Variants in MAP3K6 observed in about 807,000 individuals in gnomAD.
The protein encoded by MAP3K6 is apoptosis signal-regulating kinase 2.
Under a neutral mutation model 147.1 loss-of-function variants are expected in MAP3K6, and 105 were observed. The ratio of observed to expected loss-of-function variants is 0.71; its 90% CI spans 0.61 to 0.84. MAP3K6 has a LOEUF of 0.84. Among genes scored for constraint, MAP3K6 ranks in the 40% least tolerant of loss-of-function variants. The pLI, the probability that MAP3K6 is intolerant of heterozygous loss-of-function variation, is 0.00. For synonymous variants in MAP3K6, 695 were observed against 732.4 expected (o/e 0.95, Z 0.82); for missense variants, 1,569 against 1,715.0 (o/e 0.91, Z 1.50).
rs139373022 is a variant in MAP3K6, at chr1:27,362,985, A to C, written c.1008T>G (p.Ser336=). Residue 336 remains serine, a synonymous_variant, in exon 7 of 29, where the codon TCT becomes TCG. Coordinates refer to ENST00000357582, the MANE Select transcript of MAP3K6 (RefSeq NM_004672.5). ...CAAGCTGTACCAGCGGCAGCAGCAC[A>C]GACAGGGCCTTCGCCCGGTCCCCAG... ...NRPGDRAKAL[S]VLLPLVQLEG... is the part of the protein sequence containing the mutation. The C allele has an allele frequency of 4.9e-3, 7,959 of 1,614,024 alleles. 54 individuals are homozygous for C. Among genetic ancestry groups the C allele is most frequent in the Middle Eastern group, 0.022 (133 of 6,058 alleles).
At position 27,357,407 on chromosome 1, in the gene MAP3K6, G is replaced by A. The variant is rs767809289; in HGVS notation, c.3251C>T (p.Pro1084Leu). 1.3e-6 allele frequency: 2 copies of A among 1,589,892 alleles called. No individual in the cohort carries two copies. Among genetic ancestry groups the A allele is most frequent in the Non-Finnish European group, 1.7e-6 (2 of 1,164,086 alleles). Reference protein sequence around the residue: ...ALLHRPLFAFPDAVKQILRKR... With the variant: ...ALLHRPLFAFLDAVKQILRKR... ...ACCAGAAGGCGCCCTCACCGCATCCGGGAAGGCAAACAGCGGTCTGTGCAG... is the reference window on the plus strand; with the variant it reads ...ACCAGAAGGCGCCCTCACCGCATCCAGGAAGGCAAACAGCGGTCTGTGCAG... Residue 1084 changes from proline (P) to leucine (L), a missense_variant, in exon 23 of 29, where the codon CCG (proline) becomes CTG (leucine). Coordinates refer to ENST00000357582, the MANE Select transcript of MAP3K6 (RefSeq NM_004672.5).
In MAP3K6 at chr1:27,357,742, T is replaced by C. The variant is rs1388069951; in HGVS notation, c.3050A>G (p.Glu1017Gly). 1.2e-6 allele frequency: 2 copies of C among 1,611,942 alleles called. No homozygotes were observed. The highest frequency in any genetic ancestry group is 1.7e-6 in the Non-Finnish European group (2 of 1,179,868). ...VLEQELPALA[E>G]NLHQEQKQEQ... ...TTGCTTCTGCTCCTGGTGCAGATTC[T>C]CCGCCAGCGCTGGCAGCTCCTGCTC... Residue 1017 changes from glutamate to glycine, a missense_variant, in exon 22 of 29, where the codon GAG (glutamate) becomes GGG (glycine). Physicochemically the swap from Glu to Gly is moderately conservative, Grantham distance 98 (BLOSUM62 -2). Transcript: ENST00000357582.
At chr1:27,356,835 GC>G in intron 24 of MAP3K6, 86 bp from the exon 25 acceptor site, 1 of 1,489,246 alleles carries the variant, frequency 6.7e-7, no homozygotes, top group Non-Finnish European at 9.0e-7. Flanking sequence ...AGGGTGCCCG[GC>G]TCTGGGCAGG....
intron 6 of MAP3K6, 54 bp from the exon 7 acceptor site, chr1:27,363,075 A>C: frequency 6.6e-7 from 1 of 1,520,746 alleles, no homozygotes; most frequent in Non-Finnish European, 8.9e-7. Flanking sequence ...TACTCTGTCC[A>C]GGGACCTCTA....
intron 1 of MAP3K6, 133 bp from the exon 2 acceptor site, chr1:27,365,045 G>T: frequency 1.1e-6 from 1 of 939,872 alleles, no homozygotes; most frequent in Non-Finnish European, 1.6e-6. Flanking sequence ...GCTTCAGTCG[G>T]CCCTTTTTAG....
Position 27,357,554 on chromosome 1 carries a change from T to A in MAP3K6, c.3104A>T (p.His1035Leu). Residue 1035 changes from histidine (H) to leucine (L), a missense_variant, in exon 23 of 29, where the codon CAT becomes CTT. Transcript: ENST00000357582. The stretch of plus-strand genomic sequence containing the variant: ...GAGGCAGCGCAGCAGCTCTTCCACA[T>A]GGTTTCTGCCCAGACGGGCCCCCTG... ...QEQGARLGRN[H>L]VEELLRCLGA... 3 of 1,612,092 alleles carry A rather than the reference T, an allele frequency of 1.9e-6. No individual in the cohort carries two copies. In the South Asian group the frequency reaches 3.3e-5, roughly 18 times the overall value.
chr1:27,362,967 T>C lies in MAP3K6; in HGVS notation c.1026A>G (p.Val342=). The change falls in exon 7 of 29, where the codon GTA becomes GTG. Residue 342 remains valine (V), a synonymous_variant. Transcript: ENST00000357582. ...AKALSVLLPL[V]QLEGSVAPDL... ...CGGGCGCCACAGAGCCCTCAAGCTG[T>C]ACCAGCGGCAGCAGCACAGACAGGG... 6.2e-7 allele frequency: 1 copy of C among 1,614,042 alleles called. No homozygotes were observed.
In MAP3K6 at chr1:27,362,181, C is replaced by A. The variant is rs920626034; in HGVS notation, c.1325G>T (p.Gly442Val). 12 of 1,613,648 alleles carry A rather than the reference C, an allele frequency of 7.4e-6. No individual in the cohort carries two copies. Among genetic ancestry groups the A allele is most frequent in the Non-Finnish European group, 1.0e-5 (12 of 1,179,988 alleles). The change falls in exon 9 of 29, where the codon GGT becomes GTT. Residue 442 changes from glycine to valine, a missense_variant. Gly to Val is a moderately radical substitution (Grantham distance 109). Coordinates refer to ENST00000357582, the MANE Select transcript of MAP3K6 (RefSeq NM_004672.5). ...GAGGATCTGGGCTCCCAGGTAGAAA[C>A]CCACATCCCAGTAATACTGCATCTT... ...VEKMQYYWDV[G>V]FYLGAQILAN...
chr1:27,357,744 C>T lies in MAP3K6; in HGVS notation c.3048G>A (p.Ala1016=). 1.9e-6 allele frequency: 3 copies of T among 1,611,840 alleles called. No homozygotes were observed. Among genetic ancestry groups the T allele is most frequent in the Admixed American group, 1.7e-5 (1 of 59,958 alleles). The change falls in exon 22 of 29, where the codon GCG becomes GCA. Residue 1016 remains alanine (A), a synonymous_variant. Transcript: ENST00000357582. ...GCTTCTGCTCCTGGTGCAGATTCTC[C>T]GCCAGCGCTGGCAGCTCCTGCTCCA... ...AVLEQELPAL[A]ENLHQEQKQE...
Position 27,357,011 on chromosome 1 carries a change from G to GGGTGT in MAP3K6, c.3361_3362insACACC (p.Pro1121HisfsTer17). On this transcript the variant is annotated frameshift_variant, in exon 24 of 29. Coordinates refer to ENST00000357582, the MANE Select transcript of MAP3K6 (RefSeq NM_004672.5). LOFTEE classifies it high-confidence loss of function. ...GGCCCGTGGCATTCCCCTCCTACCC[G>GGGTGT]GTCCTAGCACACCCAGGGCTGCCCG... 1 of 1,613,560 alleles carries GGGTGT rather than the reference G, an allele frequency of 6.2e-7. No homozygotes were observed. The highest frequency in any genetic ancestry group is 8.5e-7 in the Non-Finnish European group (1 of 1,179,756).
In MAP3K6 at chr1:27,362,247, A is replaced by G; in HGVS notation, c.1259T>C (p.Met420Thr). The change falls in exon 9 of 29, where the codon ATG becomes ACG. Residue 420 changes from methionine to threonine, a missense_variant. Transcript: ENST00000357582. ...GCGGGCCAGCAGGCAGCCCAGCTTC[A>G]TGCCTGGGGGAGAGAGGCATGGGCT... ...EDSKELRLIG[M>T]KLGCLLARKG... The G allele has an allele frequency of 6.2e-7, 1 of 1,609,778 alleles. No individual in the cohort carries two copies. The highest frequency in any genetic ancestry group is 1.1e-5 in the South Asian group (1 of 90,550).
At chr1:27,356,310 G>GTGATGAGCCCAAGTCAGT (rs1469732536) in intron 26 of MAP3K6, 78 bp downstream of exon 26, 1 of 1,370,460 alleles carries the variant, frequency 7.3e-7, no homozygotes, top group East Asian at 2.4e-5. Flanking sequence ...CCCAAGTCAG[G>GTGATGAGCCCAAGTCAGT]TGATGAGCCC....
At chr1:27,363,842 C>A in intron 5 of MAP3K6, 75 bp downstream of exon 5, 1 of 1,410,732 alleles carries the variant, frequency 7.1e-7, no homozygotes, top group Non-Finnish European at 9.4e-7. Context: ...AGCAAGTGGC[C>A]CAGCCAGGAA....
At position 27,356,073 on chromosome 1, in the gene MAP3K6, C is replaced by G; in HGVS notation, c.3664G>C (p.Val1222Leu). ...PTALSTDQGL[V>L]QWLQELNVDS... is the part of the protein sequence containing the mutation. The stretch of plus-strand genomic sequence containing the variant: ...ACATTCAGTTCCTGTAGCCACTGCA[C>G]CAGGCCCTGGTCCGTTGAAAGAGCA... The change falls in exon 27 of 29, where the codon GTG becomes CTG. Residue 1222 changes from valine to leucine, a missense_variant. Val to Leu is a conservative substitution (Grantham distance 32). Transcript: ENST00000357582. 6.2e-7 allele frequency: 1 copy of G among 1,614,154 alleles called. No individual in the cohort carries two copies. The highest frequency in any genetic ancestry group is 1.1e-5 in the South Asian group (1 of 91,076).
In MAP3K6 at chr1:27,357,529, G is replaced by A. The variant is rs2015574388; in HGVS notation, c.3129C>T (p.Leu1043=). The part of the protein sequence containing the change: ...RNHVEELLRC[L]GAHIHTPNRR... ...GGTTGGGAGTGTGGATGTGTGCCCCGAGGCAGCGCAGCAGCTCTTCCACAT... is the reference window on the plus strand; with the variant it reads ...GGTTGGGAGTGTGGATGTGTGCCCCAAGGCAGCGCAGCAGCTCTTCCACAT... The change falls in exon 23 of 29, where the codon CTC becomes CTT. Residue 1043 remains leucine, a synonymous_variant. Coordinates refer to ENST00000357582, the MANE Select transcript of MAP3K6 (RefSeq NM_004672.5). 6.2e-7 allele frequency: 1 copy of A among 1,613,398 alleles called. No homozygotes were observed. The highest frequency in any genetic ancestry group is 1.7e-5 in the Admixed American group (1 of 60,006).
Position 27,356,055 on chromosome 1 carries a change from GT to G in MAP3K6, c.3681del (p.Glu1227AspfsTer2). On this transcript the variant is annotated frameshift_variant, in exon 27 of 29. Coordinates refer to ENST00000357582, the MANE Select transcript of MAP3K6 (RefSeq NM_004672.5). LOFTEE classifies it high-confidence loss of function. ...TDQGLVQWLQELNVDSGTIQM... is the reference protein window; with the variant it reads ...TDQGLVQWLQXLNVDSGTIQM... Reference sequence around the variant, plus strand: ...TGGATGGTGCCTGAATCCACATTCAGTTCCTGTAGCCACTGCACCAGGCCCT... The same window carrying G: ...TGGATGGTGCCTGAATCCACATTCAGTCCTGTAGCCACTGCACCAGGCCCT... The G allele has an allele frequency of 6.2e-7, 1 of 1,614,166 alleles. No individual in the cohort carries two copies. The highest frequency in any genetic ancestry group is 1.6e-4 in the Middle Eastern group (1 of 6,062).
At position 27,366,514 on chromosome 1, in the gene MAP3K6, GC is replaced by G; in HGVS notation, c.83del (p.Gly28AlafsTer24). The G allele has an allele frequency of 1.8e-6, 2 of 1,108,078 alleles. No individual in the cohort carries two copies. Among genetic ancestry groups the G allele is most frequent in the African/African-American group, 1.7e-5 (1 of 60,224 alleles). 68.6% of individuals were successfully genotyped at this position (1,108,078 alleles called of 1,614,324 possible). A position where few individuals can be genotyped will look rare whatever the true frequency, so the allele number is the denominator to read the frequency against. On this transcript the variant is annotated frameshift_variant, in exon 1 of 29. Transcript: ENST00000357582. LOFTEE classifies it high-confidence loss of function. The surrounding 1 kb of genome is among the most constrained non-coding windows in gnomAD (Gnocchi z 5.5). ...GGCCCGGGGGCGCCGCGAGCTGCCG[GC>G]CCCGGCTCAGCGCCACGGCCAGCGG... ...QDPLAVALSR[G>X]RQLAAPPGRG...
intron 6 of MAP3K6, among the ~76,000 whole-genome samples, 169 bp downstream of exon 6, chr1:27,363,273 G>GA (rs1193062000): frequency 2.2e-5 from 3 of 137,338 alleles, no homozygotes; most frequent in Non-Finnish European, 3.1e-5. Context: ...CCCCCACCCC[G>GA]ACCCAGGCAG....
chr1:27,356,211 C>T, intron 26 of MAP3K6, 112 bp from the exon 27 acceptor site: 3 of 1,165,058 alleles, frequency 2.6e-6, no homozygotes, highest in Non-Finnish European at 3.8e-6. Flanking sequence ...GAGCCCAAGT[C>T]AGGTGATGAG....
Sources: allele counts gnomAD v4.1 joint callset (sites outside exome capture counted in the v4.1 genomes callset), GRCh38; gene constraint gnomAD v4.1.1; non-coding constraint Gnocchi (gnomAD v3.1); transcripts MANE v1.5; gene names NCBI Gene and HGNC (gene_info 2026-07-23, HGNC 2026-07-21).